PALLD: variants seen among roughly 807,000 people sequenced by gnomAD.
PALLD encodes palladin.
PALLD carries 61 observed loss-of-function variants against 123.5 expected under a neutral mutation model. The ratio of observed to expected loss-of-function variants is 0.49; its 90% confidence interval spans 0.40 to 0.61. The LOEUF (loss-of-function observed/expected upper bound fraction) is 0.61, where lower values mean the gene tolerates loss of function less well. Ranked by LOEUF, PALLD falls within the 20% of genes least tolerant of loss-of-function variation. The probability of loss-of-function intolerance (pLI) is 0.00; values close to 1 mark genes in which losing one functional copy is unlikely to be tolerated. For missense variants in PALLD, 1,273 were observed against 1,377.0 expected (o/e 0.92, Z 1.20); for synonymous variants, 465 against 496.4 (o/e 0.94, Z 0.84).
intron 2 of PALLD, among the ~76,000 whole-genome samples, chr4:168,644,046 C>G (rs1777203791): frequency 6.6e-6 from 1 of 151,584 alleles, no homozygotes; most frequent in Non-Finnish European, 1.5e-5. Context: ...GGTAATTAGT[C>G]CCATTTGCTT....
At position 168,589,055 on chromosome 4, in the gene PALLD, A is replaced by G. The variant is rs1771136092; in HGVS notation, c.908+76643A>G. On this transcript the variant is annotated intron_variant, in intron 2 of 21. Coordinates refer to ENST00000505667, the MANE Select transcript of PALLD (RefSeq NM_001166108.2). The stretch of plus-strand genomic sequence containing the variant: ...CTAGGTAATAGGACAACAGTCCCTA[A>G]AGTCAAGCGGGCTATTGTCAAGCAC... Among the ~76,000 whole-genome samples the G allele has an allele frequency of 2.6e-5, 4 of 152,220 alleles. No individual in the cohort carries two copies. The South Asian group carries it at 8.3e-4, about 32-fold the overall frequency.
chr4:168,811,381 G>T (rs970359299), intron 10 of PALLD, among the ~76,000 whole-genome samples: 1 of 152,106 alleles, frequency 6.6e-6, no homozygotes, highest in African/African-American at 2.4e-5. Context: ...TTAATATCTT[G>T]ATTCTCTTTT....
intron 2 of PALLD, among the ~76,000 whole-genome samples, chr4:168,531,780 A>C (rs2149483375): frequency 6.6e-6 from 1 of 152,306 alleles, no homozygotes; most frequent in South Asian, 2.1e-4. Context: ...CAGCTGCCCT[A>C]CAGAGGGCAT....
intron 2 of PALLD, among the ~76,000 whole-genome samples, chr4:168,653,697 T>C (rs961295143): frequency 3.4e-5 from 5 of 145,720 alleles, no homozygotes; most frequent in African/African-American, 1.0e-4. Context: ...CGTTTGCTTG[T>C]TTGTTTGTTT....
At chr4:168,784,610 G>A (rs1736419356) in intron 10 of PALLD, among the ~76,000 whole-genome samples, 1 of 152,164 alleles carries the variant, frequency 6.6e-6, no homozygotes, top group Admixed American at 6.5e-5. Flanking sequence ...GAAGCGGGCG[G>A]GAGAAAGAGC....
chr4:168,819,361 G>A (rs1158020319), intron 10 of PALLD, among the ~76,000 whole-genome samples: 1 of 137,600 alleles, frequency 7.3e-6, no homozygotes, highest in Non-Finnish European at 1.6e-5. Context: ...GTGTGTGTGT[G>A]TGATTCCTCC....
At chr4:168,558,357 T>C (rs974792274) in intron 2 of PALLD, among the ~76,000 whole-genome samples, 1 of 152,192 alleles carries the variant, frequency 6.6e-6, no homozygotes, top group African/African-American at 2.4e-5. Context: ...CACTTTACCT[T>C]TCTCAGGCAG....
intron 2 of PALLD, among the ~76,000 whole-genome samples, chr4:168,606,659 G>A (rs142360598): frequency 3.7e-5 from 4 of 107,222 alleles, no homozygotes; most frequent in Admixed American, 2.1e-4. Context: ...GCGAGACTCC[G>A]TCTCAAAAAA....
chr4:168,831,648 T>C (rs1744217240), intron 10 of PALLD, among the ~76,000 whole-genome samples: 1 of 152,180 alleles, frequency 6.6e-6, no homozygotes, highest in Admixed American at 6.6e-5. Context: ...GCTTCCATTC[T>C]ACCGTGAGTT....
intron 2 of PALLD, among the ~76,000 whole-genome samples, chr4:168,636,417 C>G (rs1028390545): frequency 6.6e-6 from 1 of 152,278 alleles, no homozygotes; most frequent in African/African-American, 2.4e-5. Context: ...CTCAGAAATT[C>G]GAGGCTGCAG....
chr4:168,702,994 G>T (rs953152096), intron 8 of PALLD, among the ~76,000 whole-genome samples: 3 of 142,848 alleles, frequency 2.1e-5, no homozygotes, highest in Admixed American at 2.1e-4. Flanking sequence ...TGCCATGCTG[G>T]TGCGCTGCAC....
intron 10 of PALLD, among the ~76,000 whole-genome samples, chr4:168,818,836 T>A (rs1742325154): frequency 6.6e-6 from 1 of 152,136 alleles, no homozygotes; most frequent in South Asian, 2.1e-4. Context: ...AGGCAAAAAA[T>A]GTTTATGATA....
chr4:168,794,480 A>G (rs528326583), intron 10 of PALLD, among the ~76,000 whole-genome samples: 261 of 147,004 alleles, frequency 1.8e-3, no homozygotes, highest in African/African-American at 6.7e-3. Flanking sequence ...GTGCACACGC[A>G]CACACACATG....
chr4:168,858,789 A>T (rs1419950553), intron 10 of PALLD, among the ~76,000 whole-genome samples: 20 of 87,306 alleles, frequency 2.3e-4, no homozygotes, highest in Admixed American at 1.5e-3. Context: ...CTCAAAAAAA[A>T]TAAAAATTAA....
At chr4:168,535,021 A>C (rs1044765044) in intron 2 of PALLD, among the ~76,000 whole-genome samples, 3 of 152,168 alleles carry the variant, frequency 2.0e-5, no homozygotes, top group African/African-American at 7.2e-5. Context: ...ATTATTCCTT[A>C]ATAATACAGT....
chr4:168,704,774 C>T (rs1200782069), intron 8 of PALLD, among the ~76,000 whole-genome samples: 3 of 149,758 alleles, frequency 2.0e-5, no homozygotes, highest in Non-Finnish European at 4.4e-5. Context: ...AAAAAGAAGA[C>T]AATTCAGGAA....
Position 168,922,098 on chromosome 4 carries a change from T to C in PALLD, c.3058+357T>C, listed in dbSNP as rs954499025. On this transcript the variant is annotated intron_variant, in intron 18 of 21. Coordinates refer to ENST00000505667, the MANE Select transcript of PALLD (RefSeq NM_001166108.2). ...AAAGTTTTATATTTATATATATATA[T>C]ATATACACACACACACACACACACA... Among the ~76,000 whole-genome samples the C allele has an allele frequency of 3.9e-3, 420 of 107,588 alleles. 2 individuals are homozygous for C. The highest frequency in any genetic ancestry group is 0.012 in the African/African-American group (373 of 31,922). The allele number at this position is 107,588 out of a possible 152,430, so 70.6% of individuals were successfully genotyped here.
At chr4:168,560,802 C>T (rs1231904286) in intron 2 of PALLD, among the ~76,000 whole-genome samples, 2 of 152,174 alleles carry the variant, frequency 1.3e-5, no homozygotes, top group South Asian at 4.1e-4. Flanking sequence ...GAAGCTTTAA[C>T]CCTTATATCC....
chr4:168,826,006 T>A (rs768019695), intron 10 of PALLD, among the ~76,000 whole-genome samples: 3 of 152,184 alleles, frequency 2.0e-5, no homozygotes, highest in Non-Finnish European at 4.4e-5. Context: ...AGATACAACT[T>A]AAGGTTTTTC....
Sources: gnomAD v4.1 joint callset for allele counts (sites outside exome capture counted in the v4.1 genomes callset) on GRCh38, gnomAD v4.1.1 for gene constraint, MANE v1.5 for transcripts, NCBI Gene and HGNC (gene_info 2026-07-23, HGNC 2026-07-21) for gene names.